Variants in DLGAP1 observed in about 807,000 individuals in gnomAD.
The protein encoded by DLGAP1 is DLG associated protein 1.
Under a neutral mutation model 90.8 loss-of-function variants are expected in DLGAP1, and 11 were observed. That is an observed-to-expected ratio of 0.12 (90% CI 0.08 to 0.20). DLGAP1 has a LOEUF of 0.20. Among genes scored for constraint, DLGAP1 ranks in the 10% least tolerant of loss-of-function variants. The pLI is 1.00. For missense variants in DLGAP1, 1,050 were observed against 1,333.8 expected (o/e 0.79, Z 3.31); for synonymous variants, 558 against 540.7 (o/e 1.03, Z -0.44).
At chr18:4,373,294 A>C (rs1203837051) in intron 1 of DLGAP1, among the ~76,000 whole-genome samples, 1 of 152,170 alleles carries the variant, frequency 6.6e-6, no homozygotes, top group East Asian at 1.9e-4. Flanking sequence ...AAGCAGGAGG[A>C]ATGGACAGGA....
chr18:3,779,072 G>A (rs1273526651), intron 5 of DLGAP1, among the ~76,000 whole-genome samples: 1 of 152,272 alleles, frequency 6.6e-6, no homozygotes, highest in Non-Finnish European at 1.5e-5. Context: ...GGTGGTGAGT[G>A]AGCAAGTTTT....
chr18:4,400,001 C>T (rs2320212), intron 1 of DLGAP1, among the ~76,000 whole-genome samples: 152,209 of 152,252 alleles, frequency 1, 76,083 homozygotes, highest in Non-Finnish European at 1. Flanking sequence ...AAAAAAAGTA[C>T]AGGGATGTCA....
At chr18:4,340,692 T>A (rs535209345) in intron 1 of DLGAP1, among the ~76,000 whole-genome samples, 1 of 152,286 alleles carries the variant, frequency 6.6e-6, no homozygotes, top group African/African-American at 2.4e-5. Context: ...AGTAACTTGG[T>A]TCTCTGCCCT....
intron 3 of DLGAP1, among the ~76,000 whole-genome samples, chr18:3,951,848 G>A (rs1396804012): frequency 3.3e-5 from 5 of 152,036 alleles, no homozygotes; most frequent in South Asian, 2.1e-4. Flanking sequence ...TGCCATGATC[G>A]TAAGTTTCCT....
At chr18:3,669,681 A>G (rs765369433) in intron 7 of DLGAP1, among the ~76,000 whole-genome samples, 17 of 152,306 alleles carry the variant, frequency 1.1e-4, no homozygotes, top group Non-Finnish European at 1.8e-4. Context: ...GGGGAAGGCC[A>G]TCTTCCTTCT....
At chr18:3,815,561 T>C (rs1038395680) in intron 4 of DLGAP1, among the ~76,000 whole-genome samples, 2 of 152,324 alleles carry the variant, frequency 1.3e-5, no homozygotes, top group Middle Eastern at 3.4e-3. Flanking sequence ...TCCCTAACTG[T>C]GGATACCACA....
At chr18:4,308,043 C>T (rs2080307867) in intron 1 of DLGAP1, among the ~76,000 whole-genome samples, 1 of 152,076 alleles carries the variant, frequency 6.6e-6, no homozygotes, top group South Asian at 2.1e-4. Flanking sequence ...TGTCCCTGTA[C>T]TACACTTCAC....
intron 2 of DLGAP1, among the ~76,000 whole-genome samples, chr18:4,050,220 G>A (rs529499540): frequency 6.6e-6 from 1 of 152,206 alleles, no homozygotes; most frequent in African/African-American, 2.4e-5. Flanking sequence ...ACTCTGTGGA[G>A]GCAAAACAGA....
intron 1 of DLGAP1, among the ~76,000 whole-genome samples, chr18:4,265,663 C>CCCTTCCTCCCTT (rs2079111020): frequency 1.8e-5 from 1 of 54,262 alleles, no homozygotes; most frequent in East Asian, 5.4e-4. Flanking sequence ...CTCCCTCCCT[C>CCCTTCCTCCCTT]CCTTCCTTCC....
intron 7 of DLGAP1, among the ~76,000 whole-genome samples, chr18:3,652,163 C>CAAAAAAAAAAAAA (rs756445206): frequency 2.1e-5 from 2 of 93,416 alleles, no homozygotes; most frequent in Non-Finnish European, 4.7e-5. Context: ...GACTCTGTAT[C>CAAAAAAAAAAAAA]AAAAAAAAAA....
intron 1 of DLGAP1, among the ~76,000 whole-genome samples, chr18:4,406,077 A>G (rs1248958752): frequency 3.3e-5 from 5 of 152,140 alleles, no homozygotes; most frequent in Admixed American, 3.3e-4. Flanking sequence ...GTGGCCTGCA[A>G]CCAATCAGAG....
At chr18:3,743,112 T>A (rs914157087) in intron 5 of DLGAP1, among the ~76,000 whole-genome samples, 2 of 152,118 alleles carry the variant, frequency 1.3e-5, no homozygotes, top group African/African-American at 2.4e-5. Context: ...ACACACTTTG[T>A]ATTCTTTGGA....
intron 4 of DLGAP1, among the ~76,000 whole-genome samples, chr18:3,830,804 G>C (rs2067992018): frequency 6.6e-6 from 1 of 152,178 alleles, no homozygotes; most frequent in Non-Finnish European, 1.5e-5. Flanking sequence ...AGCAACTTGA[G>C]AGGAGGGATG....
At chr18:4,364,375 G>A (rs2081709118) in intron 1 of DLGAP1, among the ~76,000 whole-genome samples, 1 of 151,586 alleles carries the variant, frequency 6.6e-6, no homozygotes, top group Middle Eastern at 3.4e-3. Flanking sequence ...CCTGCACATT[G>A]TGCACATGTA....
intron 7 of DLGAP1, among the ~76,000 whole-genome samples, chr18:3,641,680 T>G (rs2058951351): frequency 6.6e-6 from 1 of 151,320 alleles, no homozygotes; most frequent in Non-Finnish European, 1.5e-5. Flanking sequence ...TGTAATAAAT[T>G]CATAACAAAT....
chr18:3,652,163 C>CAAAAAAAAAA (rs756445206), intron 7 of DLGAP1, among the ~76,000 whole-genome samples: 1 of 93,376 alleles, frequency 1.1e-5, no homozygotes, highest in African/African-American at 3.4e-5. Context: ...GACTCTGTAT[C>CAAAAAAAAAA]AAAAAAAAAA....
intron 1 of DLGAP1, among the ~76,000 whole-genome samples, chr18:4,436,940 A>G (rs1173505485): frequency 6.6e-6 from 1 of 152,226 alleles, no homozygotes; most frequent in African/African-American, 2.4e-5. Context: ...CTGATGATTT[A>G]TAAATTTTCC....
chr18:4,318,381 T>C (rs980166029), intron 1 of DLGAP1, among the ~76,000 whole-genome samples: 3 of 152,190 alleles, frequency 2.0e-5, no homozygotes, highest in Non-Finnish European at 2.9e-5. Flanking sequence ...TGTTAAACCA[T>C]GAAGCTGCCC....
rs1353201986 is a variant in DLGAP1 at position 3,711,061 on chromosome 18, A to T, written c.1591+18074T>A. ...GTCTGCAACAGAAGAGTCCAGAAACACGACAGAGGAAGTCAGAGAGCCAGG... is the reference window on the plus strand; with the variant it reads ...GTCTGCAACAGAAGAGTCCAGAAACTCGACAGAGGAAGTCAGAGAGCCAGG... On this transcript the variant is annotated intron_variant, in intron 7 of 12. Transcript: ENST00000315677. The surrounding 1 kb of genome is among the most constrained non-coding windows in gnomAD (Gnocchi z 4.0). Among the ~76,000 whole-genome samples the T allele has an allele frequency of 6.6e-6, 1 of 152,228 alleles. No individual in the cohort carries two copies. Among genetic ancestry groups the T allele is most frequent in the Admixed American group, 6.5e-5 (1 of 15,288 alleles).
Sources: allele counts gnomAD v4.1 joint callset (sites outside exome capture counted in the v4.1 genomes callset), GRCh38; gene constraint gnomAD v4.1.1; non-coding constraint Gnocchi (gnomAD v3.1); transcripts MANE v1.5; gene names NCBI Gene and HGNC (gene_info 2026-07-23, HGNC 2026-07-21).